CLEC1B: variants seen among roughly 807,000 people sequenced by gnomAD.
CLEC1B encodes the protein C-type lectin-like receptor 2.
Under a neutral mutation model 26.7 loss-of-function variants are expected in CLEC1B, and 26 were observed. The ratio of observed to expected loss-of-function variants is 0.97; its 90% CI spans 0.71 to 1.35. The LOEUF (loss-of-function observed/expected upper bound fraction) is 1.35, where lower values mean the gene tolerates loss of function less well. Among genes scored for constraint, CLEC1B ranks in the 40% most tolerant of loss-of-function variants. The probability of loss-of-function intolerance (pLI) is 0.00; values close to 1 mark genes in which losing one functional copy is unlikely to be tolerated. For missense variants in CLEC1B, 293 were observed against 282.6 expected (o/e 1.04, Z -0.26); for synonymous variants, 112 against 96.0 (o/e 1.17, Z -0.97).
At chr12:10,001,462 C>G (rs1865158229), upstream of CLEC1B, among the ~76,000 whole-genome samples, 1 of 152,310 alleles carries the variant, frequency 6.6e-6, no homozygotes, top group Middle Eastern at 3.4e-3. Flanking sequence ...CAGCCACAGT[C>G]TGAGAGTCTT....
intron 5 of CLEC1B, among the ~76,000 whole-genome samples, chr12:9,994,608 CA>C (rs2137234432): frequency 6.6e-6 from 1 of 152,078 alleles, no homozygotes; most frequent in Admixed American, 6.6e-5. Flanking sequence ...TGTAGAAGGA[CA>C]AAGCTTCGTT....
chr12:9,999,309 C>G (rs1865127130), upstream of CLEC1B: 1 of 397,106 alleles, frequency 2.5e-6, no homozygotes, highest in Non-Finnish European at 4.5e-6. Context: ...ACCTTGAACA[C>G]AAAAACACAA....
chr12:9,993,539 G>A (rs1283079355), intron 5 of CLEC1B, among the ~76,000 whole-genome samples: 2 of 152,032 alleles, frequency 1.3e-5, no homozygotes, highest in Non-Finnish European at 2.9e-5. Flanking sequence ...GGTACAATAG[G>A]AGCCCTGAAG....
rs1483763227 is a variant in CLEC1B at position 9,997,243 on chromosome 12, T to G, written c.200A>C (p.Glu67Ala). The G allele has an allele frequency of 2.5e-6, 4 of 1,613,400 alleles. No homozygotes were observed. Among genetic ancestry groups the G allele is most frequent in the Non-Finnish European group, 3.4e-6 (4 of 1,179,622 alleles). ...MQRNYLQGEN[E>A]NRTGTLQQLA... ...TTGTTGCAGAGTTCCTGTGCGATTT[T>G]CATTCTCACCTTGTAGGTAATTGCG... The change falls in exon 3 of 6, where the codon GAA (glutamate) becomes GCA (alanine). Residue 67 changes from glutamate to alanine, a missense_variant. Glu to Ala is a moderately radical substitution (Grantham distance 107). Coordinates refer to ENST00000298527, the MANE Select transcript of CLEC1B (RefSeq NM_016509.4).
upstream of CLEC1B, among the ~76,000 whole-genome samples, chr12:10,001,881 CTT>C (rs11436719): frequency 5.2e-5 from 7 of 134,200 alleles, no homozygotes; most frequent in Admixed American, 7.8e-5. Context: ...TAAACAAAAT[CTT>C]TTTTTTTTTT....
chr12:9,995,861 T>G (rs1865031544), intron 4 of CLEC1B, among the ~76,000 whole-genome samples: 1 of 152,186 alleles, frequency 6.6e-6, no homozygotes, highest in African/African-American at 2.4e-5. Context: ...GGCTGTTGCT[T>G]TAACTAGAAT....
chr12:9,995,452 G>C, intron 4 of CLEC1B: 2 of 517,628 alleles, frequency 3.9e-6, no homozygotes, highest in Non-Finnish European at 7.1e-6. Context: ...AGGTAAAATT[G>C]TACACAAAAT....
intron 5 of CLEC1B, among the ~76,000 whole-genome samples, chr12:9,994,238 C>T (rs1419528517): frequency 4.0e-5 from 6 of 151,860 alleles, no homozygotes; most frequent in African/African-American, 1.5e-4. Context: ...GGTAACAAAA[C>T]GAGTTTGATT....
chr12:9,995,870 A>T (rs1329087430), intron 4 of CLEC1B, among the ~76,000 whole-genome samples: 3 of 152,176 alleles, frequency 2.0e-5, no homozygotes, highest in Non-Finnish European at 4.4e-5. Context: ...TTTAACTAGA[A>T]TATACTCTTG....
upstream of CLEC1B, chr12:9,999,347 T>G (rs924745755): frequency 2.9e-6 from 1 of 349,756 alleles, no homozygotes; most frequent in Admixed American, 4.7e-5. Context: ...GGTAAAGGAG[T>G]AGATAAGGTA....
chr12:10,000,788 T>C (rs917596603), upstream of CLEC1B, among the ~76,000 whole-genome samples: 2 of 152,232 alleles, frequency 1.3e-5, no homozygotes, highest in Non-Finnish European at 2.9e-5. Flanking sequence ...CCTCCCTCTC[T>C]TCCTTCCTTT....
chr12:9,999,394 T>C (rs1655213308), upstream of CLEC1B: 1 of 247,454 alleles, frequency 4.0e-6, no homozygotes, highest in African/African-American at 2.2e-5. Flanking sequence ...CAACACTAAA[T>C]AAAGGGACAT....
intron 2 of CLEC1B, among the ~76,000 whole-genome samples, chr12:9,997,490 A>T (rs1865082467): frequency 6.6e-6 from 1 of 152,166 alleles, no homozygotes; most frequent in Non-Finnish European, 1.5e-5. Context: ...TAATAAGTGA[A>T]CTGTTTGAAG....
At chr12:9,999,124 G>A (rs1334683172), upstream of CLEC1B, 9 of 1,552,010 alleles carry the variant, frequency 5.8e-6, no homozygotes, top group Non-Finnish European at 7.9e-6. Flanking sequence ...CTGCAACTGA[G>A]CTCAGAGTTC....
At chr12:9,999,935 A>G (rs1403583023), upstream of CLEC1B, among the ~76,000 whole-genome samples, 1 of 152,238 alleles carries the variant, frequency 6.6e-6, no homozygotes, top group African/African-American at 2.4e-5. Context: ...ACAATATAAT[A>G]TGTATTGCAC....
chr12:9,993,332 A>G (rs776605320), intron 5 of CLEC1B, 45 bp from the exon 6 acceptor site: 6 of 1,562,820 alleles, frequency 3.8e-6, no homozygotes, highest in Non-Finnish European at 5.3e-6. Flanking sequence ...AACTGAGCAA[A>G]CAATCAGTAA....
At chr12:9,996,228 T>C (rs1565570816) in intron 4 of CLEC1B, among the ~76,000 whole-genome samples, 2 of 152,196 alleles carry the variant, frequency 1.3e-5, no homozygotes, top group Non-Finnish European at 2.9e-5. Context: ...TTCTTTAAAA[T>C]ATATCAATAT....
At chr12:9,997,505 C>T (rs940180435) in intron 2 of CLEC1B, among the ~76,000 whole-genome samples, 1 of 152,094 alleles carries the variant, frequency 6.6e-6, no homozygotes, top group Admixed American at 6.6e-5. Flanking sequence ...TTGAAGGAGA[C>T]AATCACAAAT....
chr12:9,996,778 A>T (rs1387937901), intron 4 of CLEC1B, 68 bp downstream of exon 4: 1 of 1,534,852 alleles, frequency 6.5e-7, no homozygotes, highest in Non-Finnish European at 9.0e-7. Context: ...AAACAAAAAA[A>T]GGTCAAGTGT....
Sources: allele counts gnomAD v4.1 joint callset (sites outside exome capture counted in the v4.1 genomes callset), GRCh38; gene constraint gnomAD v4.1.1; transcripts MANE v1.5; gene names NCBI Gene and HGNC (gene_info 2026-07-23, HGNC 2026-07-21).